The following ADAMTS12 variants were observed in gnomAD, a reference collection of about 807,000 sequenced individuals.
ADAMTS12 encodes ADAM metallopeptidase with thrombospondin type 1 motif 12.
Under a neutral mutation model 167.8 loss-of-function variants are expected in ADAMTS12, and 118 were observed. The observed-to-expected ratio is 0.70, with a 90% CI of 0.61 to 0.82. The LOEUF is 0.82. Among genes scored for constraint, ADAMTS12 ranks in the 40% least tolerant of loss-of-function variants. The probability of loss-of-function intolerance (pLI) is 0.00; values close to 1 mark genes in which losing one functional copy is unlikely to be tolerated. For synonymous variants in ADAMTS12, 704 were observed against 716.9 expected, an observed-to-expected ratio of 0.98 and a Z score of 0.29; for missense variants, 1,916 against 1,998.8, an observed-to-expected ratio of 0.96 and a Z score of 0.79.
At chr5:33,585,980 G>T (rs1408508473) in intron 18 of ADAMTS12, among the ~76,000 whole-genome samples, 3 of 152,114 alleles carry the variant, frequency 2.0e-5, no homozygotes, top group African/African-American at 7.2e-5. Context: ...ACTTAGTTCA[G>T]CCCAGAGAAG....
At chr5:33,728,867 C>A (rs1744076256) in intron 3 of ADAMTS12, among the ~76,000 whole-genome samples, 1 of 152,208 alleles carries the variant, frequency 6.6e-6, no homozygotes, top group African/African-American at 2.4e-5. Context: ...AAGTATATTT[C>A]ATTACAAAGT....
At chr5:33,593,802 C>T (rs141390007) in intron 17 of ADAMTS12, among the ~76,000 whole-genome samples, 5 of 152,280 alleles carry the variant, frequency 3.3e-5, no homozygotes, top group East Asian at 1.9e-4. Flanking sequence ...ATCTATGGAA[C>T]ATCCTGCACA....
At chr5:33,783,862 C>T (rs1193524573) in intron 2 of ADAMTS12, among the ~76,000 whole-genome samples, 9 of 151,838 alleles carry the variant, frequency 5.9e-5, no homozygotes, top group Admixed American at 5.9e-4. Context: ...TTTCTGGAGG[C>T]AGTACTGCCC....
intron 3 of ADAMTS12, among the ~76,000 whole-genome samples, chr5:33,705,476 G>A (rs1418061473): frequency 6.6e-6 from 1 of 152,106 alleles, no homozygotes; most frequent in Non-Finnish European, 1.5e-5. Context: ...CATCCAACAA[G>A]TTGTGAACAT....
chr5:33,749,715 A>AT (rs368276778), intron 3 of ADAMTS12, among the ~76,000 whole-genome samples: 87 of 152,318 alleles, frequency 5.7e-4, no homozygotes, highest in African/African-American at 2.0e-3. Flanking sequence ...ATTAAATGGG[A>AT]TGACAAACAT....
intron 17 of ADAMTS12, among the ~76,000 whole-genome samples, chr5:33,590,815 T>A (rs1747594889): frequency 6.6e-6 from 1 of 152,086 alleles, no homozygotes. Flanking sequence ...CAGTCTGTGG[T>A]ATTCTGGTAC....
At chr5:33,857,773 TG>T (rs1749463033) in intron 2 of ADAMTS12, among the ~76,000 whole-genome samples, 1 of 152,228 alleles carries the variant, frequency 6.6e-6, no homozygotes, top group Non-Finnish European at 1.5e-5. Context: ...CATTATACAA[TG>T]ATAACCATGT....
At chr5:33,681,052 T>C (rs1055112237) in intron 5 of ADAMTS12, among the ~76,000 whole-genome samples, 2 of 152,188 alleles carry the variant, frequency 1.3e-5, no homozygotes, top group Admixed American at 6.5e-5. Flanking sequence ...TAGAGTAAGA[T>C]AGGTATCTTT....
In ADAMTS12 at chr5:33,891,922, T is replaced by G; in HGVS notation, c.-66A>C. On this transcript the variant is annotated 5_prime_UTR_variant, in exon 1 of 24. Coordinates refer to ENST00000504830, the MANE Select transcript of ADAMTS12 (RefSeq NM_030955.4). ...GCCCTCAGCTCCAGAAATAAAGCGC[T>G]CGCCTGTGGCCCAGCAGGAAGATGC... is the stretch of plus-strand genomic sequence containing the variant. 6.3e-7 allele frequency: 1 copy of G among 1,576,436 alleles called. No homozygotes were observed. The highest frequency in any genetic ancestry group is 8.6e-7 in the Non-Finnish European group (1 of 1,162,380).
At chr5:33,844,945 G>T (rs886387249) in intron 2 of ADAMTS12, among the ~76,000 whole-genome samples, 1 of 152,130 alleles carries the variant, frequency 6.6e-6, no homozygotes, top group Non-Finnish European at 1.5e-5. Context: ...CTGGGGGCAG[G>T]TTCCCCGATA....
chr5:33,549,608 G>A (rs1386361079), intron 20 of ADAMTS12, among the ~76,000 whole-genome samples: 1 of 152,196 alleles, frequency 6.6e-6, no homozygotes, highest in Non-Finnish European at 1.5e-5. Context: ...CGCTAGTCTT[G>A]AGCCCTTGGG....
intron 3 of ADAMTS12, among the ~76,000 whole-genome samples, chr5:33,716,623 A>G (rs1319560498): frequency 6.6e-6 from 1 of 152,146 alleles, no homozygotes; most frequent in African/African-American, 2.4e-5. Context: ...CCTGACACAT[A>G]TTCAATATGA....
intron 19 of ADAMTS12, among the ~76,000 whole-genome samples, chr5:33,571,940 T>C (rs1323220720): frequency 4.6e-5 from 7 of 151,894 alleles, no homozygotes; most frequent in Admixed American, 4.6e-4. Context: ...CACAGAAATA[T>C]AAACTACCAT....
intron 7 of ADAMTS12, among the ~76,000 whole-genome samples, chr5:33,656,155 A>T (rs541746953): frequency 6.6e-6 from 1 of 152,332 alleles, no homozygotes; most frequent in South Asian, 2.1e-4. Flanking sequence ...AATGCATCAG[A>T]TAGTTCTGAA....
intron 5 of ADAMTS12, among the ~76,000 whole-genome samples, chr5:33,674,733 T>C (rs1428145812): frequency 2.6e-5 from 4 of 152,084 alleles, no homozygotes; most frequent in African/African-American, 9.7e-5. Context: ...AGCAATAAAG[T>C]CCTTTGTCTG....
chr5:33,576,075 C>A lies in ADAMTS12; in HGVS notation c.3951G>T (p.Trp1317Cys), dbSNP rs763639359. The change falls in exon 19 of 24, where the codon TGG becomes TGT. Residue 1317 changes from tryptophan (W) to cysteine (C), a missense_variant. By Grantham distance (215) the Trp-to-Cys change is radical. Transcript: ENST00000504830. ...TTACCTCGCTCCAGTTTCCGACGAT[C>A]CAGTGTGCAGAGCCGTGGCCGTTTG... is the stretch of plus-strand genomic sequence containing the variant. ...QLTNGHGSAHWIVGNWSECST... is the reference protein window; with the variant it reads ...QLTNGHGSAHCIVGNWSECST... 1.4e-5 allele frequency: 22 copies of A among 1,613,402 alleles called. No individual in the cohort carries two copies. In the East Asian group the frequency reaches 3.1e-4, roughly 23 times the overall value.
intron 3 of ADAMTS12, among the ~76,000 whole-genome samples, chr5:33,742,156 A>C (rs1188118369): frequency 1.3e-5 from 2 of 152,146 alleles, no homozygotes; most frequent in Non-Finnish European, 2.9e-5. Flanking sequence ...AATCAATGAC[A>C]CACAAAGCAA....
intron 21 of ADAMTS12, 61 bp downstream of exon 21, chr5:33,549,146 C>A: frequency 1.3e-6 from 2 of 1,569,806 alleles, no homozygotes; most frequent in East Asian, 2.3e-5. Flanking sequence ...TATGCAGTAA[C>A]ACAGAGATTC....
At chr5:33,665,141 GT>G (rs767875464) in intron 5 of ADAMTS12, among the ~76,000 whole-genome samples, 1 of 152,134 alleles carries the variant, frequency 6.6e-6, no homozygotes, top group South Asian at 2.1e-4. Flanking sequence ...GAAGACATAA[GT>G]GAAATAAGCC....
Sources: allele counts gnomAD v4.1 joint callset (sites outside exome capture counted in the v4.1 genomes callset), GRCh38; gene constraint gnomAD v4.1.1; transcripts MANE v1.5; gene names NCBI Gene and HGNC (gene_info 2026-07-23, HGNC 2026-07-21).